Variants in XKR6 observed in about 807,000 individuals in gnomAD.
XKR6 encodes XK-related protein 6.
In XKR6, 22 loss-of-function variants were observed where a neutral mutation model predicts 56.7. The observed-to-expected ratio is 0.39, with a 90% confidence interval of 0.28 to 0.55. XKR6 has a LOEUF of 0.55. Among genes scored for constraint, XKR6 ranks in the 20% least tolerant of loss-of-function variants. The pLI is 0.66. For missense variants in XKR6, 852 were observed against 889.0 expected, an observed-to-expected ratio of 0.96 and a Z score of 0.53; for synonymous variants, 524 against 387.8, an observed-to-expected ratio of 1.35 and a Z score of -4.13.
intron 1 of XKR6, among the ~76,000 whole-genome samples, chr8:11,003,422 TCAA>T (rs1359383202): frequency 6.6e-6 from 1 of 152,068 alleles, no homozygotes; most frequent in African/African-American, 2.4e-5. Flanking sequence ...ATAATTATCA[TCAA>T]CATCATCACC....
At chr8:11,121,992 A>G (rs1453759226) in intron 1 of XKR6, among the ~76,000 whole-genome samples, 1 of 152,220 alleles carries the variant, frequency 6.6e-6, no homozygotes, top group Non-Finnish European at 1.5e-5. Context: ...CAATAAGAAC[A>G]CTTGGATACA....
intron 1 of XKR6, among the ~76,000 whole-genome samples, chr8:11,109,970 T>G (rs1282726651): frequency 6.6e-6 from 1 of 152,200 alleles, no homozygotes; most frequent in Non-Finnish European, 1.5e-5. Flanking sequence ...GTTGTTTTTT[T>G]GTTTTTGTTT....
chr8:11,083,340 A>C (rs1797789478), intron 1 of XKR6, among the ~76,000 whole-genome samples: 1 of 152,134 alleles, frequency 6.6e-6, no homozygotes, highest in African/African-American at 2.4e-5. Context: ...CCCACGGTGC[A>C]ATTTTCCCCA....
intron 1 of XKR6, among the ~76,000 whole-genome samples, chr8:10,995,883 T>C (rs767351093): frequency 6.6e-6 from 1 of 152,136 alleles, no homozygotes; most frequent in African/African-American, 2.4e-5. Flanking sequence ...CATGGTGAGA[T>C]GAGGCCTGAG....
chr8:11,168,518 A>AT lies in XKR6; in HGVS notation c.764+32057dup, dbSNP rs544694311. On this transcript the variant is annotated intron_variant, in intron 1 of 2. Coordinates refer to ENST00000416569, the MANE Select transcript of XKR6 (RefSeq NM_173683.4). ...CAAAAGATAAATAGGGAAACAGAGA[A>AT]TTTGTACAACACATAAACCAACTAG... is the stretch of plus-strand genomic sequence containing the variant. Among the ~76,000 whole-genome samples the AT allele has an allele frequency of 2.0e-5, 3 of 152,304 alleles. No individual in the cohort carries two copies. The East Asian group carries it at 5.8e-4, about 29-fold the overall frequency.
chr8:10,898,970 G>A lies in XKR6; in HGVS notation c.962-54C>T. The A allele has an allele frequency of 6.6e-7, 1 of 1,524,146 alleles. No individual in the cohort carries two copies. The highest frequency in any genetic ancestry group is 8.7e-7 in the Non-Finnish European group (1 of 1,143,344). The allele number at this position is 1,524,146 out of a possible 1,614,324, so 94.4% of individuals were successfully genotyped here. A position where few individuals can be genotyped will look rare whatever the true frequency, so the allele number is the denominator to read the frequency against. ...CAAAACCTTGGACATCAACCGCAGG[G>A]CACAGTGAAGCTGCCGGCTGAGGAG... On this transcript the variant is annotated intron_variant, in intron 2 of 2. Coordinates refer to ENST00000416569, the MANE Select transcript of XKR6 (RefSeq NM_173683.4). The surrounding 1 kb of genome is among the most constrained non-coding windows in gnomAD (Gnocchi z 6.6).
intron 1 of XKR6, among the ~76,000 whole-genome samples, chr8:11,059,517 C>A (rs1205555473): frequency 2.0e-5 from 3 of 152,084 alleles, no homozygotes; most frequent in Non-Finnish European, 2.9e-5. Context: ...CGGGCGGCGC[C>A]GCTCCAGTGT....
chr8:11,196,100 G>T (rs113190539), intron 1 of XKR6, among the ~76,000 whole-genome samples: 1 of 151,802 alleles, frequency 6.6e-6, no homozygotes, highest in Non-Finnish European at 1.5e-5. Context: ...TGGTACCCTG[G>T]CCCCACACAA....
At chr8:11,191,966 A>AT (rs1206934244) in intron 1 of XKR6, among the ~76,000 whole-genome samples, 10 of 152,176 alleles carry the variant, frequency 6.6e-5, no homozygotes, top group Non-Finnish European at 1.5e-4. Flanking sequence ...GAGGTGAAGT[A>AT]TTTAGAGGTG....
At chr8:11,185,923 C>T (rs1803248779) in intron 1 of XKR6, among the ~76,000 whole-genome samples, 1 of 152,156 alleles carries the variant, frequency 6.6e-6, no homozygotes, top group Non-Finnish European at 1.5e-5. Context: ...TAAATAGTTA[C>T]CTGTTTGAGC....
intron 1 of XKR6, among the ~76,000 whole-genome samples, chr8:11,191,753 T>C (rs1803592634): frequency 6.7e-6 from 1 of 148,792 alleles, no homozygotes; most frequent in African/African-American, 2.5e-5. Context: ...AGCAATATAA[T>C]TCATAAATTT....
At chr8:11,198,820 C>G (rs1804035766) in intron 1 of XKR6, among the ~76,000 whole-genome samples, 1 of 152,004 alleles carries the variant, frequency 6.6e-6, no homozygotes, top group South Asian at 2.1e-4. Context: ...CTGCTGAATT[C>G]TACTGGTATG....
rs192572111 is a variant in XKR6 at position 10,982,948 on chromosome 8, G to C, written c.765-58118C>G. On this transcript the variant is annotated intron_variant, in intron 1 of 2. Coordinates refer to ENST00000416569, the MANE Select transcript of XKR6 (RefSeq NM_173683.4). ...GCTCCTTCCTAGCTATATGGCCTTG[G>C]GCAAGCCATTTAACTTCTCTAAGCC... Among the ~76,000 whole-genome samples the C allele has an allele frequency of 2.2e-3, 337 of 152,220 alleles. 1 individual carries two copies. Among genetic ancestry groups the C allele is most frequent in the African/African-American group, 7.7e-3 (321 of 41,518 alleles).
At chr8:11,092,630 C>G (rs1010448243) in intron 1 of XKR6, among the ~76,000 whole-genome samples, 1 of 152,156 alleles carries the variant, frequency 6.6e-6, no homozygotes, top group African/African-American at 2.4e-5. Context: ...GCCCTGCAAA[C>G]AAGAGCCGGG....
intron 1 of XKR6, among the ~76,000 whole-genome samples, chr8:11,019,152 T>C (rs138175946): frequency 1.6e-3 from 242 of 152,304 alleles, no homozygotes; most frequent in African/African-American, 5.6e-3. Flanking sequence ...CTGGGGCCCG[T>C]AAAAGACCAA....
At chr8:11,027,182 G>C (rs1187267467) in intron 1 of XKR6, among the ~76,000 whole-genome samples, 1 of 152,194 alleles carries the variant, frequency 6.6e-6, no homozygotes, top group Admixed American at 6.5e-5. Context: ...ACAGTGGTAA[G>C]TATTTGTGAA....
At chr8:10,946,431 G>A (rs1801540874) in intron 1 of XKR6, among the ~76,000 whole-genome samples, 2 of 152,092 alleles carry the variant, frequency 1.3e-5, no homozygotes, top group Non-Finnish European at 2.9e-5. Flanking sequence ...GGTGCAGGGT[G>A]TGGCTGAAAC....
intron 2 of XKR6, among the ~76,000 whole-genome samples, chr8:10,899,220 C>T (rs1472020043): frequency 6.6e-6 from 1 of 152,222 alleles, no homozygotes; most frequent in Non-Finnish European, 1.5e-5. Flanking sequence ...CCATGGGCAG[C>T]CCTTTGTGGG....
intron 1 of XKR6, among the ~76,000 whole-genome samples, chr8:11,122,959 G>T (rs974250635): frequency 6.6e-6 from 1 of 150,630 alleles, no homozygotes; most frequent in Non-Finnish European, 1.5e-5. Context: ...TGCCTCTGCC[G>T]GGTGCAGTGG....
Sources: allele counts gnomAD v4.1 joint callset (sites outside exome capture counted in the v4.1 genomes callset), GRCh38; gene constraint gnomAD v4.1.1; non-coding constraint Gnocchi (gnomAD v3.1); transcripts MANE v1.5; gene names NCBI Gene and HGNC (gene_info 2026-07-23, HGNC 2026-07-21).